Variants in ANKFN1 observed in about 807,000 individuals in gnomAD.
ANKFN1 encodes the protein ankyrin repeat and fibronectin type-III domain-containing protein 1.
Under a neutral mutation model 108.7 loss-of-function variants are expected in ANKFN1, and 74 were observed. The ratio of observed to expected loss-of-function variants is 0.68; its 90% confidence interval spans 0.56 to 0.83. The LOEUF (loss-of-function observed/expected upper bound fraction) is 0.83. ANKFN1 is among the 40% of genes least tolerant of loss of function. The pLI is 0.00. For missense variants in ANKFN1, 1,505 were observed against 1,382.3 expected (o/e 1.09, Z -1.41); for synonymous variants, 547 against 516.2 (o/e 1.06, Z -0.81).
At chr17:56,430,285 A>G (rs1468228321) in intron 8 of ANKFN1, among the ~76,000 whole-genome samples, 1 of 152,092 alleles carries the variant, frequency 6.6e-6, no homozygotes, top group Non-Finnish European at 1.5e-5. Flanking sequence ...ATAGTGCATG[A>G]CTTCTCCTAT....
At chr17:56,499,218 G>T (rs1433120025) in intron 20 of ANKFN1, 120 bp downstream of exon 20, 2 of 937,672 alleles carry the variant, frequency 2.1e-6, no homozygotes, top group East Asian at 5.3e-5. Flanking sequence ...CACTGCTCAG[G>T]GGTAAGAGTC....
At chr17:56,243,827 A>G (rs1010624631) in intron 3 of ANKFN1, among the ~76,000 whole-genome samples, 1 of 152,148 alleles carries the variant, frequency 6.6e-6, no homozygotes, top group East Asian at 1.9e-4. Flanking sequence ...TAATCTCCAA[A>G]TGAACTAAGG....
chr17:56,151,438 A>T (rs999729304), upstream of ANKFN1, among the ~76,000 whole-genome samples: 1 of 152,178 alleles, frequency 6.6e-6, no homozygotes, highest in African/African-American at 2.4e-5. Context: ...TTTTGGTAGT[A>T]GGTTTTGTTG....
chr17:56,284,109 A>ATG (rs143323702), intron 3 of ANKFN1, among the ~76,000 whole-genome samples: 138 of 152,080 alleles, frequency 9.1e-4, no homozygotes, highest in Non-Finnish European at 1.4e-3. Flanking sequence ...GATTTGGAAA[A>ATG]TGTGTGTGTG....
intron 3 of ANKFN1, among the ~76,000 whole-genome samples, chr17:56,304,312 G>A (rs2044755759): frequency 6.6e-6 from 1 of 152,144 alleles, no homozygotes; most frequent in Non-Finnish European, 1.5e-5. Flanking sequence ...GGGTGGTTAT[G>A]TGTATCGAAA....
rs900944547 is a variant in ANKFN1 at position 56,080,351 on chromosome 17, T to C, written c.288+34026T>C. The stretch of plus-strand genomic sequence containing the variant: ...TTGTTTGCTATTACTTGACTTGTAA[T>C]TGGGAGAAACCAGAGACAACTTCAA... On this transcript the variant is annotated intron_variant, in intron 4 of 12. Transcript: ENST00000635860. 3.9e-5 allele frequency among the ~76,000 whole-genome samples: 6 copies of C among 152,314 alleles called. No homozygotes were observed. The East Asian group carries it at 7.7e-4, about 20-fold the overall frequency.
At chr17:56,188,571 G>A (rs1339812029) in intron 1 of ANKFN1, among the ~76,000 whole-genome samples, 101 of 99,426 alleles carry the variant, frequency 1.0e-3, no homozygotes, top group Non-Finnish European at 1.4e-3. Flanking sequence ...GTATGTGTGT[G>A]TGTGTGTGTG....
intron 4 of ANKFN1, among the ~76,000 whole-genome samples, chr17:56,081,050 C>T (rs1028120093): frequency 6.6e-6 from 1 of 152,130 alleles, no homozygotes; most frequent in Non-Finnish European, 1.5e-5. Context: ...AAAGACCTGG[C>T]CCCTTGCCTC....
At chr17:56,263,177 G>T (rs1363482094) in intron 3 of ANKFN1, among the ~76,000 whole-genome samples, 1 of 152,156 alleles carries the variant, frequency 6.6e-6, no homozygotes, top group Non-Finnish European at 1.5e-5. Flanking sequence ...GGCCATCCTG[G>T]GCCATTTAGC....
rs2046846699 is a variant in ANKFN1 at position 56,372,807 on chromosome 17, T to C, written c.763T>C (p.Tyr255His). Residue 255 changes from tyrosine (Y) to histidine (H), a missense_variant, in exon 7 of 21, where the codon TAC (tyrosine) becomes CAC (histidine). Tyr to His is a moderately conservative substitution (Grantham distance 83). Coordinates refer to ENST00000682825, the MANE Select transcript of ANKFN1 (RefSeq NM_001370326.1). ...AGCTTGGGAGTGGAGGTATCGGCTC[T>C]ACAGACGCATGAAAACAGGCTTTGA... ...LKAWEWRYRL[Y>H]RRMKTGFEHA... The C allele has an allele frequency of 6.2e-7, 1 of 1,613,706 alleles. No homozygotes were observed. The highest frequency in any genetic ancestry group is 8.5e-7 in the Non-Finnish European group (1 of 1,179,932).
intron 3 of ANKFN1, among the ~76,000 whole-genome samples, chr17:56,322,650 G>A (rs1291416572): frequency 6.6e-6 from 1 of 152,146 alleles, no homozygotes; most frequent in African/African-American, 2.4e-5. Context: ...ACACTATGCC[G>A]TGACGCCGAA....
At chr17:56,143,288 G>T (rs1325875349) in intron 4 of ANKFN1, among the ~76,000 whole-genome samples, 1 of 152,102 alleles carries the variant, frequency 6.6e-6, no homozygotes, top group African/African-American at 2.4e-5. Context: ...AGCACAGAAG[G>T]GATTCCAGGA....
intron 4 of ANKFN1, among the ~76,000 whole-genome samples, chr17:56,342,069 C>T (rs1002527842): frequency 1.3e-5 from 2 of 151,922 alleles, no homozygotes; most frequent in Non-Finnish European, 2.9e-5. Context: ...TCCATTTCTT[C>T]TAGATTTTCT....
chr17:56,426,879 G>T (rs915651185), intron 8 of ANKFN1, among the ~76,000 whole-genome samples: 2 of 152,222 alleles, frequency 1.3e-5, no homozygotes, highest in Admixed American at 1.3e-4. Flanking sequence ...CTGAGCCTGG[G>T]AATGGAGAAC....
intron 4 of ANKFN1, among the ~76,000 whole-genome samples, chr17:56,349,053 A>T (rs1474593906): frequency 6.6e-6 from 1 of 152,208 alleles, no homozygotes; most frequent in Non-Finnish European, 1.5e-5. Flanking sequence ...AGCCATAAAA[A>T]GAAATGAGAT....
intron 19 of ANKFN1, among the ~76,000 whole-genome samples, chr17:56,492,747 T>TAC (rs1390852270): frequency 7.9e-5 from 12 of 152,288 alleles, no homozygotes; most frequent in African/African-American, 2.9e-4. Context: ...TAAAATGACC[T>TAC]ACCAGTTTAT....
At chr17:56,336,777 G>C (rs2045823019) in intron 4 of ANKFN1, among the ~76,000 whole-genome samples, 1 of 151,982 alleles carries the variant, frequency 6.6e-6, no homozygotes, top group African/African-American at 2.4e-5. Flanking sequence ...GAATTTGTTT[G>C]CTCTTGCTTC....
chr17:56,430,361 G>A (rs531584368), intron 8 of ANKFN1, among the ~76,000 whole-genome samples: 195 of 152,148 alleles, frequency 1.3e-3, no homozygotes, highest in African/African-American at 4.5e-3. Context: ...AGCAGTAACC[G>A]GGGCAGTCGG....
chr17:56,328,121 C>G (rs1426779013), intron 4 of ANKFN1, among the ~76,000 whole-genome samples: 1 of 152,150 alleles, frequency 6.6e-6, no homozygotes, highest in African/African-American at 2.4e-5. Context: ...AACTGATTTG[C>G]TATACTTACG....
Sources: gnomAD v4.1 joint callset for allele counts (sites outside exome capture counted in the v4.1 genomes callset) on GRCh38, gnomAD v4.1.1 for gene constraint, MANE v1.5 for transcripts, NCBI Gene and HGNC (gene_info 2026-07-23, HGNC 2026-07-21) for gene names.